Variants in ZNF746 observed in about 807,000 individuals in gnomAD.
The protein encoded by ZNF746 is parkin-interacting substrate.
A neutral mutation model predicts 41.0 loss-of-function variants in ZNF746; 13 were observed. The observed-to-expected ratio is 0.32, with a 90% confidence interval of 0.21 to 0.50. The LOEUF (loss-of-function observed/expected upper bound fraction) is 0.50, where lower values mean the gene tolerates loss of function less well. Ranked by LOEUF, ZNF746 falls within the 20% of genes least tolerant of loss-of-function variation. ZNF746 has a pLI of 0.98. For missense variants in ZNF746, 811 were observed against 922.9 expected (o/e 0.88, Z 1.57); for synonymous variants, 424 against 396.2 (o/e 1.07, Z -0.83).
rs1237910906 is a variant in ZNF746 at position 149,477,670 on chromosome 7, C to T, written c.651G>A (p.Leu217=). The change falls in exon 5 of 7, where the codon CTG becomes CTA. Residue 217 remains leucine (L), a synonymous_variant. Transcript: ENST00000458143. ...GELQLQEQQA[L]GVEAWAAGQP... is the part of the protein sequence containing the mutation. ...GCCCGGCTGCCCACGCCTCCACGCC[C>T]AGGGCCTGCTGCTCCTGGAGCTGGA... 1.2e-6 allele frequency: 2 copies of T among 1,613,880 alleles called. No individual in the cohort carries two copies. The highest frequency in any genetic ancestry group is 2.7e-5 in the African/African-American group (2 of 74,926).
At chr7:149,481,663 C>T (rs534952841) in intron 4 of ZNF746, among the ~76,000 whole-genome samples, 90 of 152,206 alleles carry the variant, frequency 5.9e-4, no homozygotes, top group African/African-American at 2.1e-3. Flanking sequence ...CAAAAAATAA[C>T]TTCTAAAGGA....
intron 4 of ZNF746, chr7:149,489,661 A>G (rs1216626164): frequency 6.5e-6 from 1 of 152,912 alleles, no homozygotes; most frequent in East Asian, 1.9e-4. Flanking sequence ...GGGCAGAGTG[A>G]GAGAAAAGTG....
In ZNF746 at chr7:149,485,151, TAAAAA is replaced by T. The variant is rs57584874; in HGVS notation, c.566-7401_566-7397del. Among the ~76,000 whole-genome samples the T allele has an allele frequency of 5.4e-4, 74 of 135,986 alleles. 1 individual carries two copies. The highest frequency in any genetic ancestry group is 2.4e-4 in the Non-Finnish European group (15 of 63,470). The allele number at this position is 135,986 out of a possible 152,430, so 89.2% of individuals were successfully genotyped here. On this transcript the variant is annotated intron_variant, in intron 4 of 6. Transcript: ENST00000458143. Reference sequence around the variant, plus strand: ...AAAGATACCACTGACAAAAGTGATTTAAAAAAAAAAAAAAAAGAACCTAGGAATAG... The same window carrying T: ...AAAGATACCACTGACAAAAGTGATTTAAAAAAAAAAAGAACCTAGGAATAG...
chr7:149,496,505 A>G (rs994384878), intron 1 of ZNF746, among the ~76,000 whole-genome samples: 5 of 152,142 alleles, frequency 3.3e-5, no homozygotes, highest in African/African-American at 1.2e-4. Flanking sequence ...CTCTCTCTGC[A>G]GACTCCTTTC....
At position 149,474,401 on chromosome 7, in the gene ZNF746, C is replaced by T. The variant is rs749150949; in HGVS notation, c.1966G>A (p.Asp656Asn). The change falls in exon 7 of 7, where the codon GAT (aspartate) becomes AAT (asparagine). Residue 656 changes from aspartate to asparagine, a missense_variant. By Grantham distance (23) the Asp-to-Asn change is conservative. Transcript: ENST00000458143. The surrounding 1 kb of genome is among the most constrained non-coding windows in gnomAD (Gnocchi z 6.3). Reference protein sequence around the residue: ...TCGLSVLGPTDGGDM With the variant: ...TCGLSVLGPTNGGDM ...GGAGGCGCTCACATGTCCCCGCCAT[C>T]GGTGGGTCCCAGGACGCTGAGGCCA... 6.2e-7 allele frequency: 1 copy of T among 1,608,244 alleles called. No homozygotes were observed. The highest frequency in any genetic ancestry group is 1.3e-5 in the African/African-American group (1 of 74,958).
At chr7:149,492,329 TTA>T (rs1399890678) in intron 4 of ZNF746, among the ~76,000 whole-genome samples, 1 of 152,256 alleles carries the variant, frequency 6.6e-6, no homozygotes, top group Admixed American at 6.5e-5. Flanking sequence ...TTTCTCTTCC[TTA>T]TGATTTTCCT....
chr7:149,479,211 A>C (rs1038909432), intron 4 of ZNF746, among the ~76,000 whole-genome samples: 3 of 152,234 alleles, frequency 2.0e-5, no homozygotes, highest in African/African-American at 4.8e-5. Context: ...ACAAACAAAC[A>C]AACCTAGACA....
chr7:149,480,537 A>G (rs1271248708), intron 4 of ZNF746, among the ~76,000 whole-genome samples: 1 of 152,010 alleles, frequency 6.6e-6, no homozygotes, highest in Non-Finnish European at 1.5e-5. Flanking sequence ...GGTTCAAGCA[A>G]TTCTCCTGCC....
At position 149,473,698 on chromosome 7, in the gene ZNF746, A is replaced by G. The variant is rs1185032270; in HGVS notation, c.*686T>C. On this transcript the variant is annotated 3_prime_UTR_variant, in exon 7 of 7. Transcript: ENST00000458143. ...TCCTTATGAGGCCAGGGAGTCACACACTAGGGGACACCACCAAGTGCCCTT... is the reference window on the plus strand; with the variant it reads ...TCCTTATGAGGCCAGGGAGTCACACGCTAGGGGACACCACCAAGTGCCCTT... 1 of 154,264 alleles carries G rather than the reference A, an allele frequency of 6.5e-6. No individual in the cohort carries two copies. The highest frequency in any genetic ancestry group is 1.4e-5 in the Non-Finnish European group (1 of 69,214). The allele number at this position is 154,264 out of a possible 1,614,324, so 9.6% of individuals were successfully genotyped here. A position where few individuals can be genotyped will look rare whatever the true frequency, so the allele number is the denominator to read the frequency against.
chr7:149,495,457 C>T (rs1266980741), intron 1 of ZNF746, among the ~76,000 whole-genome samples: 1 of 152,124 alleles, frequency 6.6e-6, no homozygotes, highest in African/African-American at 2.4e-5. Flanking sequence ...GTATCAGTGA[C>T]CGGCAGCTGG....
Position 149,473,040 on chromosome 7 carries a change from T to G in ZNF746, c.*1344A>C, listed in dbSNP as rs1800150602. ...CTTCAACAAAACAGGAATGGATATT[T>G]GTGTGGTAGGAACAGCACTGTGGTC... On this transcript the variant is annotated 3_prime_UTR_variant, in exon 7 of 7. Transcript: ENST00000458143. 6.6e-6 allele frequency: 1 copy of G among 152,190 alleles called. No homozygotes were observed. Among genetic ancestry groups the G allele is most frequent in the Admixed American group, 6.5e-5 (1 of 15,272 alleles). The allele number at this position is 152,190 out of a possible 1,614,324, so 9.4% of individuals were successfully genotyped here.
chr7:149,497,645 G>T lies in ZNF746; in HGVS notation c.-109C>A, dbSNP rs891396035. The T allele has an allele frequency of 8.1e-6, 7 of 863,840 alleles. No individual in the cohort carries two copies. Among genetic ancestry groups the T allele is most frequent in the Non-Finnish European group, 4.2e-6 (3 of 714,568 alleles). The allele number at this position is 863,840 out of a possible 1,614,324, so 53.5% of individuals were successfully genotyped here. On this transcript the variant is annotated 5_prime_UTR_variant, in exon 1 of 7. Coordinates refer to ENST00000458143, the MANE Select transcript of ZNF746 (RefSeq NM_001394198.1). This position sits in a 1 kb window ranked among gnomAD's most constrained non-coding sequence, Gnocchi z 4.2. ...GCTCTCCGCAGGCGGCGCCTGCCTG[G>T]CCTTTCCTCTGCCGCCGCTCCTCGC...
chr7:149,492,917 G>A lies in ZNF746; in HGVS notation c.507C>T (p.Pro169=). The A allele has an allele frequency of 6.2e-7, 1 of 1,614,122 alleles. No individual in the cohort carries two copies. Among genetic ancestry groups the A allele is most frequent in the Non-Finnish European group, 8.5e-7 (1 of 1,179,998 alleles). Residue 169 remains proline (P), a synonymous_variant, in exon 4 of 7, where the codon CCC becomes CCT. Transcript: ENST00000458143. ...TGGGGCCAGGGCGGCGCCAGTTGCA[G>A]GGCTCCTTCCCTTGTTCAATCTGGG... ...VLSQIEQGKE[P]CNWRRPGPKI...
Position 149,492,050 on chromosome 7 carries a change from T to C in ZNF746, c.565+809A>G, listed in dbSNP as rs1800825690. ...ACCAAAGTAGCTCTACAACTGCTACTGGTTTAAATTAAGGTTGGTTCTTGG... is the reference window on the plus strand; with the variant it reads ...ACCAAAGTAGCTCTACAACTGCTACCGGTTTAAATTAAGGTTGGTTCTTGG... On this transcript the variant is annotated intron_variant, in intron 4 of 6. Transcript: ENST00000458143. 1.0e-5 allele frequency: 7 copies of C among 697,318 alleles called. 1 individual carries two copies. In the South Asian group the frequency reaches 1.0e-4, roughly 10 times the overall value. 43.2% of individuals were successfully genotyped at this position (697,318 alleles called of 1,614,324 possible). A position where few individuals can be genotyped will look rare whatever the true frequency, so the allele number is the denominator to read the frequency against.
At chr7:149,496,452 C>T (rs1800999561) in intron 1 of ZNF746, among the ~76,000 whole-genome samples, 1 of 152,158 alleles carries the variant, frequency 6.6e-6, no homozygotes, top group Non-Finnish European at 1.5e-5. Context: ...CATCCACTGC[C>T]CACCCGCAGG....
At chr7:149,493,638 G>C (rs1330866188) in intron 3 of ZNF746, among the ~76,000 whole-genome samples, 1 of 152,230 alleles carries the variant, frequency 6.6e-6, no homozygotes, top group African/African-American at 2.4e-5. Flanking sequence ...GTAGGAGAAG[G>C]CTGAAGGAAA....
rs1800948490 is a variant in ZNF746 at position 149,494,988 on chromosome 7, A to C, written c.25-485T>G. On this transcript the variant is annotated intron_variant, in intron 1 of 6. Transcript: ENST00000458143. This position sits in a 1 kb window ranked among gnomAD's most constrained non-coding sequence, Gnocchi z 5.6. ...AGGAACTGTCTACTGATGATGACCC[A>C]GCAAAAAAAACAGCTGGTTCACTGA... Among the ~76,000 whole-genome samples the C allele has an allele frequency of 6.6e-6, 1 of 152,108 alleles. No homozygotes were observed. Among genetic ancestry groups the C allele is most frequent in the Non-Finnish European group, 1.5e-5 (1 of 68,034 alleles).
chr7:149,485,771 G>A (rs1379433732), intron 4 of ZNF746, among the ~76,000 whole-genome samples: 1 of 152,196 alleles, frequency 6.6e-6, no homozygotes, highest in East Asian at 1.9e-4. Context: ...CAGGCACAGT[G>A]GTTCACGCCT....
At chr7:149,492,287 CTCCACT>C (rs1234643635) in intron 4 of ZNF746, among the ~76,000 whole-genome samples, 1 of 152,236 alleles carries the variant, frequency 6.6e-6, no homozygotes, top group African/African-American at 2.4e-5. Context: ...CTTTATGATG[CTCCACT>C]TCCACTTAAT....
Sources: gnomAD v4.1 joint callset for allele counts (sites outside exome capture counted in the v4.1 genomes callset) on GRCh38, gnomAD v4.1.1 for gene constraint, Gnocchi (gnomAD v3.1) non-coding constraint, MANE v1.5 for transcripts, NCBI Gene and HGNC (gene_info 2026-07-23, HGNC 2026-07-21) for gene names.